EGFR: variants seen among roughly 807,000 people sequenced by gnomAD.
EGFR encodes epidermal growth factor receptor, also known as avian erythroblastic leukemia viral (v-erb-b) oncogene homolog.
Under a neutral mutation model 143.0 loss-of-function variants are expected in EGFR, and 58 were observed. The ratio of observed to expected loss-of-function variants is 0.41; its 90% confidence interval spans 0.33 to 0.50. The LOEUF (loss-of-function observed/expected upper bound fraction) is 0.50. EGFR is among the 20% of genes least tolerant of loss of function. The pLI is 0.39. For synonymous variants in EGFR, 613 were observed against 594.4 expected (o/e 1.03, Z -0.45); for missense variants, 1,307 against 1,579.0 (o/e 0.83, Z 2.92).
intron 1 of EGFR, among the ~76,000 whole-genome samples, chr7:55,056,024 T>A (rs527811634): frequency 6.6e-6 from 1 of 152,248 alleles, no homozygotes; most frequent in South Asian, 2.1e-4. Flanking sequence ...GCATTTGCTC[T>A]GTGATTCATT....
intron 1 of EGFR, among the ~76,000 whole-genome samples, chr7:55,023,650 C>CAAA (rs11372886): frequency 0.01 from 962 of 93,864 alleles, 29 homozygotes; most frequent in African/African-American, 0.018. Context: ...GACTCCATCT[C>CAAA]AAAAAAAAAA....
chr7:55,104,499 C>A (rs946463918), intron 1 of EGFR, among the ~76,000 whole-genome samples: 10 of 152,212 alleles, frequency 6.6e-5, no homozygotes, highest in African/African-American at 2.4e-4. Flanking sequence ...TTTGTCTCAT[C>A]TCTCAATTAA....
intron 1 of EGFR, among the ~76,000 whole-genome samples, chr7:55,092,708 C>T (rs1043844108): frequency 6.6e-6 from 1 of 152,264 alleles, no homozygotes; most frequent in Non-Finnish European, 1.5e-5. Context: ...TCACCGAGCA[C>T]CATGACAGGC....
intron 10 of EGFR, among the ~76,000 whole-genome samples, chr7:55,157,408 G>A (rs998549074): frequency 1.3e-4 from 20 of 152,064 alleles, no homozygotes; most frequent in African/African-American, 4.8e-4. Context: ...AGGGGTCTCA[G>A]GGCCACAGCC....
At chr7:55,132,596 A>G (rs534788062) in intron 1 of EGFR, among the ~76,000 whole-genome samples, 2 of 152,308 alleles carry the variant, frequency 1.3e-5, no homozygotes, top group African/African-American at 4.8e-5. Context: ...AATGTGAAGT[A>G]TTATGTTTTC....
chr7:55,036,357 T>C (rs1012239778), intron 1 of EGFR, among the ~76,000 whole-genome samples: 1 of 151,716 alleles, frequency 6.6e-6, no homozygotes, highest in Non-Finnish European at 1.5e-5. Flanking sequence ...GCCTTCTTTA[T>C]TTTCAGGATA....
Position 55,160,133 on chromosome 7 carries a change from A to G in EGFR, c.1299-6A>G. On this transcript the variant is annotated splice_region_variant and splice_polypyrimidine_tract_variant and intron_variant, in intron 11 of 27. Coordinates refer to ENST00000275493, the MANE Select transcript of EGFR (RefSeq NM_005228.5). ...CACCACATGATTTTTCTTCTCTCCA[A>G]TGTAGTGGTCAGTTTTCTCTTGCAG... 2 of 1,614,056 alleles carry G rather than the reference A, an allele frequency of 1.2e-6. No individual in the cohort carries two copies. The highest frequency in any genetic ancestry group is 1.7e-6 in the Non-Finnish European group (2 of 1,179,984).
chr7:55,024,481 A>C (rs764162025), intron 1 of EGFR, among the ~76,000 whole-genome samples: 4 of 152,134 alleles, frequency 2.6e-5, no homozygotes, highest in Non-Finnish European at 1.5e-5. Context: ...ACTTCTCATT[A>C]ACAAAAGACT....
At chr7:55,085,831 T>C (rs1158286243) in intron 1 of EGFR, among the ~76,000 whole-genome samples, 1 of 152,108 alleles carries the variant, frequency 6.6e-6, no homozygotes, top group East Asian at 1.9e-4. Flanking sequence ...AATAAGGAAA[T>C]GAGGAGCCAC....
At chr7:55,065,484 T>C (rs1393906138) in intron 1 of EGFR, among the ~76,000 whole-genome samples, 1 of 152,192 alleles carries the variant, frequency 6.6e-6, no homozygotes, top group Non-Finnish European at 1.5e-5. Flanking sequence ...TCAGTTTTAT[T>C]TTAAGATTAA....
At chr7:55,122,255 G>A (rs1413559903) in intron 1 of EGFR, among the ~76,000 whole-genome samples, 1 of 152,178 alleles carries the variant, frequency 6.6e-6, no homozygotes, top group Non-Finnish European at 1.5e-5. Context: ...TTGGTAACGT[G>A]ATTTTTCACC....
chr7:55,109,316 A>C (rs1401931601), intron 1 of EGFR, among the ~76,000 whole-genome samples: 2 of 152,250 alleles, frequency 1.3e-5, no homozygotes, highest in Non-Finnish European at 2.9e-5. Flanking sequence ...TTCTATAGTT[A>C]AACTGAGATG....
intron 1 of EGFR, among the ~76,000 whole-genome samples, chr7:55,094,739 C>T (rs1416264538): frequency 1.3e-5 from 2 of 152,200 alleles, no homozygotes; most frequent in Non-Finnish European, 2.9e-5. Flanking sequence ...ATACATAGTG[C>T]TTTAGGTGTA....
chr7:55,050,125 AG>A (rs1417885091), intron 1 of EGFR, among the ~76,000 whole-genome samples: 1 of 152,212 alleles, frequency 6.6e-6, no homozygotes, highest in Non-Finnish European at 1.5e-5. Context: ...CATGTATAAA[AG>A]TGGAGTTCAG....
intron 1 of EGFR, among the ~76,000 whole-genome samples, chr7:55,077,711 C>T (rs1362433324): frequency 6.6e-6 from 1 of 152,172 alleles, no homozygotes; most frequent in Non-Finnish European, 1.5e-5. Flanking sequence ...GAACTCCAGG[C>T]TCTCATGGAA....
intron 15 of EGFR, among the ~76,000 whole-genome samples, chr7:55,169,162 G>A (rs570106847): frequency 3.4e-4 from 52 of 151,242 alleles, no homozygotes; most frequent in African/African-American, 1.2e-3. Flanking sequence ...GTGCAGTGCC[G>A]TGATCTTGGC....
chr7:55,145,593 G>T (rs1487493084), intron 3 of EGFR, among the ~76,000 whole-genome samples: 1 of 152,206 alleles, frequency 6.6e-6, no homozygotes, highest in Admixed American at 6.5e-5. Context: ...ATCTTCAGGG[G>T]TGAATCCCTC....
At position 55,025,216 on chromosome 7, in the gene EGFR, G is replaced by A. The variant is rs537694316; in HGVS notation, c.88+5851G>A. 3.3e-5 allele frequency among the ~76,000 whole-genome samples: 5 copies of A among 152,264 alleles called. 1 individual carries two copies. The highest frequency in any genetic ancestry group is 4.1e-4 in the South Asian group (2 of 4,824). ...GTTTTAGAAAGATGGCTGCAGCAGC[G>A]GTTTGGGGAATGGACTGCAGGAGTG... On this transcript the variant is annotated intron_variant, in intron 1 of 27. Coordinates refer to ENST00000275493, the MANE Select transcript of EGFR (RefSeq NM_005228.5).
intron 1 of EGFR, among the ~76,000 whole-genome samples, chr7:55,048,786 A>G (rs749388901): frequency 1.3e-5 from 2 of 152,242 alleles, no homozygotes; most frequent in Non-Finnish European, 2.9e-5. Context: ...TAGATAAAAT[A>G]CAGTAGCCAC....
Sources: gnomAD v4.1 joint callset for allele counts (sites outside exome capture counted in the v4.1 genomes callset) on GRCh38, gnomAD v4.1.1 for gene constraint, MANE v1.5 for transcripts, NCBI Gene and HGNC (gene_info 2026-07-23, HGNC 2026-07-21) for gene names.